The following AGBL4 variants were observed in gnomAD, a reference collection of about 807,000 sequenced individuals.
The protein encoded by AGBL4 is cytosolic carboxypeptidase 6.
A neutral mutation model predicts 66.4 loss-of-function variants in AGBL4; 58 were observed. The ratio of observed to expected loss-of-function variants is 0.87; its 90% confidence interval spans 0.71 to 1.09. AGBL4 has a LOEUF of 1.09. Ranked by LOEUF, AGBL4 falls within the 50% of genes least tolerant of loss-of-function variation. AGBL4 has a pLI of 0.00. For synonymous variants in AGBL4, 234 were observed against 222.9 expected (o/e 1.05, Z -0.44); for missense variants, 579 against 631.0 (o/e 0.92, Z 0.88).
At chr1:49,613,306 A>G (rs1645187934) in intron 3 of AGBL4, among the ~76,000 whole-genome samples, 1 of 152,000 alleles carries the variant, frequency 6.6e-6, no homozygotes, top group Non-Finnish European at 1.5e-5. Flanking sequence ...TGACAGGATC[A>G]TTCATACCCC....
intron 9 of AGBL4, among the ~76,000 whole-genome samples, chr1:48,606,392 C>G (rs963726402): frequency 1.3e-5 from 2 of 151,984 alleles, no homozygotes; most frequent in Non-Finnish European, 2.9e-5. Context: ...TTTAGGAAAA[C>G]AGAGGCAGTC....
At chr1:48,795,617 A>G (rs925098632) in intron 6 of AGBL4, among the ~76,000 whole-genome samples, 29 of 152,172 alleles carry the variant, frequency 1.9e-4, no homozygotes, top group African/African-American at 7.0e-4. Context: ...CCAGTTCTAC[A>G]TATATTCATT....
chr1:48,835,021 TA>T (rs1646643322), intron 6 of AGBL4, among the ~76,000 whole-genome samples: 3 of 152,134 alleles, frequency 2.0e-5, no homozygotes, highest in Admixed American at 1.3e-4. Flanking sequence ...CTTATCCTAA[TA>T]AAAAATAGCT....
At chr1:49,284,792 G>T (rs1264398676) in intron 3 of AGBL4, among the ~76,000 whole-genome samples, 1 of 151,078 alleles carries the variant, frequency 6.6e-6, no homozygotes, top group Non-Finnish European at 1.5e-5. Flanking sequence ...TTACATAATG[G>T]TAAAGGGATC....
chr1:49,834,240 A>T (rs1645782895), intron 2 of AGBL4, among the ~76,000 whole-genome samples: 1 of 152,242 alleles, frequency 6.6e-6, no homozygotes, highest in African/African-American at 2.4e-5. Context: ...TACATTATTA[A>T]TTATTGCCTC....
At chr1:49,854,167 T>C (rs746169194) in intron 1 of AGBL4, among the ~76,000 whole-genome samples, 6 of 64,118 alleles carry the variant, frequency 9.4e-5, no homozygotes, top group African/African-American at 1.3e-4. Flanking sequence ...TGGATGACTA[T>C]AGGTGCCTGA....
At chr1:48,707,160 G>A (rs2148513273) in intron 6 of AGBL4, among the ~76,000 whole-genome samples, 1 of 152,304 alleles carries the variant, frequency 6.6e-6, no homozygotes, top group South Asian at 2.1e-4. Context: ...TGGGCATGAT[G>A]GAGAGTGCCT....
intron 3 of AGBL4, among the ~76,000 whole-genome samples, chr1:49,398,307 G>C (rs192057310): frequency 1.4e-5 from 2 of 147,710 alleles, no homozygotes; most frequent in Admixed American, 1.4e-4. Flanking sequence ...GGAAGAGTCA[G>C]TCAGTCTCTC....
intron 6 of AGBL4, chr1:48,761,078 T>G (rs2148661531): frequency 2.7e-6 from 1 of 367,944 alleles, no homozygotes; most frequent in African/African-American, 2.0e-5. Flanking sequence ...GTTCCAAACC[T>G]CCAACAGCGA....
intron 3 of AGBL4, among the ~76,000 whole-genome samples, chr1:49,554,903 C>G (rs906909863): frequency 2.0e-5 from 3 of 152,102 alleles, no homozygotes; most frequent in African/African-American, 7.2e-5. Flanking sequence ...CTGGTGGGTT[C>G]GTGGTCTCGC....
intron 3 of AGBL4, among the ~76,000 whole-genome samples, chr1:49,531,597 T>TTTA (rs1486061360): frequency 6.6e-6 from 1 of 152,134 alleles, no homozygotes; most frequent in East Asian, 1.9e-4. Context: ...TTCTCATTAT[T>TTTA]TTATAGATAT....
At chr1:48,703,953 T>C (rs1646842148) in intron 6 of AGBL4, among the ~76,000 whole-genome samples, 1 of 152,226 alleles carries the variant, frequency 6.6e-6, no homozygotes, top group South Asian at 2.1e-4. Context: ...GGCAATTGCA[T>C]GGTTGTACGA....
intron 3 of AGBL4, among the ~76,000 whole-genome samples, chr1:49,556,681 T>G (rs1338583218): frequency 6.6e-6 from 1 of 152,056 alleles, no homozygotes; most frequent in Non-Finnish European, 1.5e-5. Flanking sequence ...CAGGCGGAGC[T>G]GCCTGCTAGT....
At chr1:48,838,487 C>T (rs753152245) in intron 6 of AGBL4, among the ~76,000 whole-genome samples, 3 of 152,000 alleles carry the variant, frequency 2.0e-5, no homozygotes, top group South Asian at 4.1e-4. Flanking sequence ...TATCCATATG[C>T]AGGAGAATAA....
intron 2 of AGBL4, among the ~76,000 whole-genome samples, chr1:49,835,480 G>T (rs935341471): frequency 6.6e-6 from 1 of 151,926 alleles, no homozygotes; most frequent in African/African-American, 2.4e-5. Context: ...CATGTGAGAC[G>T]GGTCTCCTGA....
At chr1:49,350,702 T>A (rs1193274362) in intron 3 of AGBL4, among the ~76,000 whole-genome samples, 1 of 152,186 alleles carries the variant, frequency 6.6e-6, no homozygotes, top group Non-Finnish European at 1.5e-5. Flanking sequence ...GATGCACCCA[T>A]CACCCGAGCA....
At chr1:48,787,506 A>T (rs1229952281) in intron 6 of AGBL4, among the ~76,000 whole-genome samples, 1 of 152,216 alleles carries the variant, frequency 6.6e-6, no homozygotes, top group African/African-American at 2.4e-5. Context: ...AGGAATACTT[A>T]TTAATGTCAA....
chr1:49,948,578 T>TAAAA (rs1343530781), intron 1 of AGBL4, among the ~76,000 whole-genome samples: 2 of 126,480 alleles, frequency 1.6e-5, no homozygotes, highest in Non-Finnish European at 3.2e-5. Context: ...TATATATATA[T>TAAAA]ATATAGAGAG....
At chr1:49,350,159 T>G (rs1645719527) in intron 3 of AGBL4, among the ~76,000 whole-genome samples, 1 of 152,222 alleles carries the variant, frequency 6.6e-6, no homozygotes, top group Non-Finnish European at 1.5e-5. Flanking sequence ...ATGGAAGTAT[T>G]TCAATTAAAA....
Sources: gnomAD v4.1 joint callset for allele counts (sites outside exome capture counted in the v4.1 genomes callset) on GRCh38, gnomAD v4.1.1 for gene constraint, MANE v1.5 for transcripts, NCBI Gene and HGNC (gene_info 2026-07-23, HGNC 2026-07-21) for gene names.